NKAIN2: variants seen among roughly 807,000 people sequenced by gnomAD.
NKAIN2 encodes the protein sodium/potassium-transporting ATPase subunit beta-1-interacting protein 2.
A neutral mutation model predicts 32.6 loss-of-function variants in NKAIN2; 14 were observed. The ratio of observed to expected loss-of-function variants is 0.43; its 90% CI spans 0.28 to 0.67. The LOEUF (loss-of-function observed/expected upper bound fraction) is 0.67. Ranked by LOEUF, NKAIN2 falls within the 30% of genes least tolerant of loss-of-function variation. The pLI is 0.17. For synonymous variants in NKAIN2, 80 were observed against 87.2 expected (o/e 0.92, Z 0.46); for missense variants, 198 against 258.3 (o/e 0.77, Z 1.60).
intron 4 of NKAIN2, among the ~76,000 whole-genome samples, chr6:124,764,556 C>A (rs1778423482): frequency 6.6e-6 from 1 of 152,072 alleles, no homozygotes; most frequent in African/African-American, 2.4e-5. Flanking sequence ...GTTAAGAATC[C>A]ACAACTTAGA....
At chr6:124,234,821 T>A (rs779769319) in intron 1 of NKAIN2, among the ~76,000 whole-genome samples, 35 of 152,182 alleles carry the variant, frequency 2.3e-4, no homozygotes, top group Non-Finnish European at 4.9e-4. Flanking sequence ...TATCGATACT[T>A]TGTTGATTAA....
At chr6:124,497,541 T>TC (rs1407939291) in intron 3 of NKAIN2, among the ~76,000 whole-genome samples, 3 of 152,206 alleles carry the variant, frequency 2.0e-5, no homozygotes, top group Non-Finnish European at 2.9e-5. Context: ...CACTTTTTTT[T>TC]CCCTATAAAT....
chr6:124,070,511 CA>C (rs1783404782), intron 1 of NKAIN2, among the ~76,000 whole-genome samples: 1 of 152,124 alleles, frequency 6.6e-6, no homozygotes, highest in South Asian at 2.1e-4. Context: ...CTGGCAATAC[CA>C]AAAACCCTTG....
chr6:124,677,322 T>C (rs1290342817), intron 4 of NKAIN2, among the ~76,000 whole-genome samples: 1 of 152,226 alleles, frequency 6.6e-6, no homozygotes, highest in Non-Finnish European at 1.5e-5. Flanking sequence ...AAAAGGAGTT[T>C]AATCTGTTTA....
intron 1 of NKAIN2, among the ~76,000 whole-genome samples, chr6:124,086,995 C>G (rs992416689): frequency 7.3e-4 from 111 of 151,876 alleles, no homozygotes; most frequent in African/African-American, 2.7e-3. Flanking sequence ...GCTAATATCT[C>G]CCTTGAACAT....
chr6:124,083,332 T>TA (rs1784057092), intron 1 of NKAIN2, among the ~76,000 whole-genome samples: 1 of 151,954 alleles, frequency 6.6e-6, no homozygotes. Flanking sequence ...GAGTGCCTGA[T>TA]ACACAATAAT....
At chr6:124,626,629 A>C (rs1783358280) in intron 3 of NKAIN2, among the ~76,000 whole-genome samples, 1 of 152,174 alleles carries the variant, frequency 6.6e-6, no homozygotes, top group Non-Finnish European at 1.5e-5. Flanking sequence ...AATTACTGAT[A>C]TCAAGACAAC....
At chr6:123,953,590 C>T (rs914616403) in intron 1 of NKAIN2, among the ~76,000 whole-genome samples, 16 of 152,118 alleles carry the variant, frequency 1.1e-4, no homozygotes, top group Non-Finnish European at 1.9e-4. Flanking sequence ...GTAGTAGCAG[C>T]GGGTTGGGTG....
chr6:124,123,111 A>G (rs186699042), intron 1 of NKAIN2, among the ~76,000 whole-genome samples: 7 of 152,254 alleles, frequency 4.6e-5, no homozygotes, highest in African/African-American at 1.7e-4. Context: ...TATATCTAGT[A>G]TAAATGTAAG....
chr6:124,100,847 T>G (rs1489035149), intron 1 of NKAIN2, among the ~76,000 whole-genome samples: 1 of 152,200 alleles, frequency 6.6e-6, no homozygotes, highest in Non-Finnish European at 1.5e-5. Context: ...TCCTTGCTGC[T>G]CAGTATCACA....
chr6:124,050,009 C>A (rs1427259633), intron 1 of NKAIN2, among the ~76,000 whole-genome samples: 6 of 151,862 alleles, frequency 4.0e-5, no homozygotes, highest in Non-Finnish European at 8.8e-5. Flanking sequence ...AAGAACAAAC[C>A]TATCCATGAA....
At chr6:124,737,469 A>G (rs1471641178) in intron 4 of NKAIN2, among the ~76,000 whole-genome samples, 3 of 151,834 alleles carry the variant, frequency 2.0e-5, no homozygotes, top group East Asian at 1.9e-4. Flanking sequence ...TCTTTCCTTT[A>G]GAAACTACCC....
At chr6:123,904,531 G>C (rs1232016329) in intron 1 of NKAIN2, among the ~76,000 whole-genome samples, 1 of 152,160 alleles carries the variant, frequency 6.6e-6, no homozygotes, top group Non-Finnish European at 1.5e-5. Flanking sequence ...GCAATGTTCA[G>C]CCTTGCTTTA....
chr6:124,436,796 G>C lies in NKAIN2; in HGVS notation c.273+81449G>C, dbSNP rs530437310. Reference sequence around the variant, plus strand: ...CAGTTCCTTTAAATGCAGGTTCTTTGAAAGTTTAAGCCAGAACATGTCACT... The same window carrying C: ...CAGTTCCTTTAAATGCAGGTTCTTTCAAAGTTTAAGCCAGAACATGTCACT... On this transcript the variant is annotated intron_variant, in intron 3 of 6. Transcript: ENST00000368417. Among the ~76,000 whole-genome samples the C allele has an allele frequency of 2.8e-4, 43 of 152,228 alleles. No homozygotes were observed. The South Asian group carries it at 8.9e-3, about 32-fold the overall frequency.
chr6:124,062,909 A>G (rs1356723589), intron 1 of NKAIN2, among the ~76,000 whole-genome samples: 1 of 152,168 alleles, frequency 6.6e-6, no homozygotes, highest in Admixed American at 6.6e-5. Flanking sequence ...ATTTGGTATT[A>G]TCAGGCTGGG....
intron 1 of NKAIN2, among the ~76,000 whole-genome samples, chr6:124,024,518 A>T (rs753913685): frequency 1.3e-5 from 2 of 152,228 alleles, no homozygotes; most frequent in Admixed American, 1.3e-4. Flanking sequence ...ATAAGTTCAC[A>T]TAAGGATATA....
intron 1 of NKAIN2, among the ~76,000 whole-genome samples, chr6:123,865,006 TC>T (rs1775927950): frequency 6.6e-6 from 1 of 152,162 alleles, no homozygotes; most frequent in African/African-American, 2.4e-5. Flanking sequence ...TCACATTTTT[TC>T]TCTAATCCTT....
chr6:123,815,563 A>G (rs1773658032), intron 1 of NKAIN2, among the ~76,000 whole-genome samples: 1 of 151,786 alleles, frequency 6.6e-6, no homozygotes, highest in South Asian at 2.1e-4. Flanking sequence ...TGCAAATCTG[A>G]AAAAAGCTAC....
intron 1 of NKAIN2, among the ~76,000 whole-genome samples, chr6:123,966,769 T>C (rs1478247327): frequency 6.6e-6 from 1 of 152,174 alleles, no homozygotes; most frequent in Non-Finnish European, 1.5e-5. Flanking sequence ...ATGTCTACTG[T>C]ATACTACTAC....
Sources: allele counts gnomAD v4.1 joint callset (sites outside exome capture counted in the v4.1 genomes callset), GRCh38; gene constraint gnomAD v4.1.1; transcripts MANE v1.5; gene names NCBI Gene and HGNC (gene_info 2026-07-23, HGNC 2026-07-21).